The following ENG variants were observed in gnomAD, a reference collection of about 807,000 sequenced individuals.
ENG encodes endoglin, also known as CD105 antigen.
Under a neutral mutation model 71.0 loss-of-function variants are expected in ENG, and 17 were observed. The observed-to-expected ratio is 0.24, with a 90% CI of 0.16 to 0.36. The LOEUF (loss-of-function observed/expected upper bound fraction) is 0.36. Among genes scored for constraint, ENG ranks in the 10% least tolerant of loss-of-function variants. ENG has a pLI of 1.00. For missense variants in ENG, 749 were observed against 868.3 expected (o/e 0.86, Z 1.73); for synonymous variants, 360 against 366.9 (o/e 0.98, Z 0.21).
In ENG at chr9:127,819,641, G is replaced by C; in HGVS notation, c.1292C>G (p.Ser431Trp). Residue 431 changes from serine to tryptophan, a missense_variant, in exon 10 of 15, where the codon TCG (serine) becomes TGG (tryptophan). Coordinates refer to ENST00000373203, the MANE Select transcript of ENG (RefSeq NM_001114753.3). ...TCTCACCCGCTGTGGTGATGAGCTC[G>C]ACAGGATATTGACCACCGCCTGCGG... ...ISNEAVVNIL[S>W]SSSPQRKKVH... 1.2e-6 allele frequency: 2 copies of C among 1,612,290 alleles called. No individual in the cohort carries two copies. Among genetic ancestry groups the C allele is most frequent in the Non-Finnish European group, 8.5e-7 (1 of 1,179,346 alleles).
intron 5 of ENG, 68 bp downstream of exon 5, chr9:127,825,627 G>C (rs868545299): frequency 1.6e-6 from 2 of 1,228,300 alleles, no homozygotes; most frequent in Non-Finnish European, 2.1e-6. Flanking sequence ...CGGAGAGGGG[G>C]CGGGGGGGGT....
Position 127,824,427 on chromosome 9 carries a change from T to C in ENG, c.1011A>G (p.Ser337=). The C allele has an allele frequency of 6.2e-7, 1 of 1,611,124 alleles. No homozygotes were observed. The highest frequency in any genetic ancestry group is 8.5e-7 in the Non-Finnish European group (1 of 1,179,430). Residue 337 remains serine (S), a synonymous_variant, in exon 8 of 15, where the codon TCA becomes TCG. Coordinates refer to ENST00000373203, the MANE Select transcript of ENG (RefSeq NM_001114753.3). ...ASSCGGRLQT[S]PAPIQTTPPK... ...GAGGAGTGGTCTGGATCGGTGCGGG[T>C]GAGGTCTGCAGCCTACCACCTGTGG... is the stretch of plus-strand genomic sequence containing the variant.
chr9:127,818,638 G>A (rs921410968), intron 11 of ENG, 78 bp downstream of exon 11: 7 of 1,511,026 alleles, frequency 4.6e-6, no homozygotes, highest in East Asian at 2.3e-5. Flanking sequence ...CATCTCCTCT[G>A]GAGTCATGGT....
intron 12 of ENG, 102 bp from the exon 13 acceptor site, chr9:127,817,305 G>GA (rs1830348426): frequency 8.3e-7 from 1 of 1,205,504 alleles, no homozygotes; most frequent in Non-Finnish European, 1.2e-6. Context: ...CCTTGGCTTT[G>GA]AATCCCATCT....
Position 127,819,997 on chromosome 9 carries a change from G to T in ENG, c.1175C>A (p.Pro392His), listed in dbSNP as rs746400192. The T allele has an allele frequency of 6.2e-7, 1 of 1,614,134 alleles. No individual in the cohort carries two copies. Among genetic ancestry groups the T allele is most frequent in the African/African-American group, 1.3e-5 (1 of 75,046 alleles). ...ACCCCTGTCCTCTGCCTCACAGCTG[G>T]GGTCCCAGAAGGTCAGGCCCGTGAT... ...CTITGLTFWD[P>H]SCEAEDRGDK... Residue 392 changes from proline to histidine, a missense_variant, in exon 9 of 15, where the codon CCC (proline) becomes CAC (histidine). Transcript: ENST00000373203.
intron 2 of ENG, 108 bp downstream of exon 2, chr9:127,842,986 G>A (rs1422587544): frequency 4.5e-6 from 7 of 1,544,378 alleles, no homozygotes; most frequent in East Asian, 2.2e-5. Context: ...GGGGCCTAAC[G>A]AGGACTCAGC....
intron 3 of ENG, among the ~76,000 whole-genome samples, chr9:127,828,917 T>C (rs951871628): frequency 6.6e-6 from 1 of 152,080 alleles, no homozygotes; most frequent in African/African-American, 2.4e-5. Flanking sequence ...TTCTCTGTTG[T>C]AAACAACAGC....
chr9:127,832,069 CTT>C (rs1041729379), intron 2 of ENG, among the ~76,000 whole-genome samples: 2 of 83,618 alleles, frequency 2.4e-5, no homozygotes, highest in South Asian at 3.8e-4. Context: ...AGCTACCATT[CTT>C]TTTTTTTTTT....
chr9:127,818,489 G>C (rs1830389302), intron 11 of ENG, 112 bp from the exon 12 acceptor site: 1 of 1,553,278 alleles, frequency 6.4e-7, no homozygotes, highest in Non-Finnish European at 8.7e-7. Context: ...AGTCCTCACA[G>C]TGGAAAGAAA....
intron 1 of ENG, among the ~76,000 whole-genome samples, chr9:127,848,653 T>A (rs1023186574): frequency 6.6e-6 from 1 of 152,154 alleles, no homozygotes; most frequent in Non-Finnish European, 1.5e-5. Flanking sequence ...CCCTCCTTTC[T>A]TAGGTGCATC....
chr9:127,837,068 G>C (rs548178340), intron 2 of ENG, among the ~76,000 whole-genome samples: 1 of 152,158 alleles, frequency 6.6e-6, no homozygotes, highest in Non-Finnish European at 1.5e-5. Context: ...GATTACAGGC[G>C]TGAGACACCA....
At chr9:127,824,714 A>G (rs970515325) in intron 7 of ENG, 86 bp downstream of exon 7, 1 of 1,389,624 alleles carries the variant, frequency 7.2e-7, no homozygotes, top group East Asian at 2.6e-5. Context: ...ACCTTGCCCA[A>G]GCTCACACAG....
chr9:127,846,946 G>A lies in ENG; in HGVS notation c.68-3701C>T. 1 of 985,626 alleles carries A rather than the reference G, an allele frequency of 1.0e-6. No homozygotes were observed. 61.1% of individuals were successfully genotyped at this position (985,626 alleles called of 1,614,324 possible). The stretch of plus-strand genomic sequence containing the variant: ...TCCAGAGGGCTACCTTCAGCACCTT[G>A]GAGGATGATCAAGAAAAACAGCTCT... On this transcript the variant is annotated intron_variant, in intron 1 of 14. Coordinates refer to ENST00000373203, the MANE Select transcript of ENG (RefSeq NM_001114753.3). The surrounding 1 kb of genome is among the most constrained non-coding windows in gnomAD (Gnocchi z 5.5).
chr9:127,817,281 A>T, intron 12 of ENG, 78 bp from the exon 13 acceptor site: 1 of 1,451,060 alleles, frequency 6.9e-7, no homozygotes, highest in Non-Finnish European at 9.6e-7. Context: ...CCGTGACCCC[A>T]GCCCACCCTA....
At position 127,816,024 on chromosome 9, in the gene ENG, C is replaced by G; in HGVS notation, c.1771G>C (p.Ala591Pro). 2 of 1,610,604 alleles carry G rather than the reference C, an allele frequency of 1.2e-6. No homozygotes were observed. Among genetic ancestry groups the G allele is most frequent in the Non-Finnish European group, 1.7e-6 (2 of 1,179,130 alleles). ...GCTSKGLVLPAVLGITFGAFL... is the reference protein window; with the variant it reads ...GCTSKGLVLPPVLGITFGAFL... ...GCACCAAAGGTGATGCCCAGCACGG[C>G]GGGCAGGACGAGGCCTTTGCTTGTG... Residue 591 changes from alanine to proline, a missense_variant, in exon 14 of 15, where the codon GCC (alanine) becomes CCC (proline). Physicochemically the swap from Ala to Pro is conservative, Grantham distance 27 (BLOSUM62 -1). Transcript: ENST00000373203.
chr9:127,843,773 T>A (rs866413248), intron 1 of ENG, among the ~76,000 whole-genome samples: 3,461 of 96,056 alleles, frequency 0.036, 113 homozygotes, highest in Admixed American at 0.065. Flanking sequence ...TTTTTTTTTT[T>A]TTTTTTTTTT....
chr9:127,848,900 T>A (rs935091071), intron 1 of ENG, among the ~76,000 whole-genome samples: 1 of 152,180 alleles, frequency 6.6e-6, no homozygotes, highest in African/African-American at 2.4e-5. Context: ...CAGTTCTTTG[T>A]CCTCCATTTT....
chr9:127,816,223 G>A (rs1564451496), intron 13 of ENG, 170 bp from the exon 14 acceptor site: 6 of 854,394 alleles, frequency 7.0e-6, no homozygotes, highest in Non-Finnish European at 1.1e-5. Flanking sequence ...AGCCAGGCCT[G>A]GCATTGAGCC....
chr9:127,826,602 G>A lies in ENG; in HGVS notation c.431C>T (p.Thr144Ile). The part of the protein sequence containing the change: ...NTTELPSFPK[T>I]QILEWAAERG... Reference sequence around the variant, plus strand: ...CTCAGCTGCCCACTCAAGGATCTGGGTCTTGGGGAAGGATGGCAGCTCTGT... The same window carrying A: ...CTCAGCTGCCCACTCAAGGATCTGGATCTTGGGGAAGGATGGCAGCTCTGT... The change falls in exon 4 of 15, where the codon ACC (threonine) becomes ATC (isoleucine). Residue 144 changes from threonine (T) to isoleucine (I), a missense_variant. Coordinates refer to ENST00000373203, the MANE Select transcript of ENG (RefSeq NM_001114753.3). The A allele has an allele frequency of 1.2e-6, 2 of 1,614,158 alleles. No homozygotes were observed. Among genetic ancestry groups the A allele is most frequent in the Non-Finnish European group, 1.7e-6 (2 of 1,180,022 alleles).
Sources: gnomAD v4.1 joint callset for allele counts (sites outside exome capture counted in the v4.1 genomes callset) on GRCh38, gnomAD v4.1.1 for gene constraint, Gnocchi (gnomAD v3.1) non-coding constraint, MANE v1.5 for transcripts, NCBI Gene and HGNC (gene_info 2026-07-23, HGNC 2026-07-21) for gene names.